The following DLG2 variants were observed in gnomAD, a reference collection of about 807,000 sequenced individuals.
DLG2 encodes the protein disks large homolog 2.
DLG2 carries 45 observed loss-of-function variants against 132.5 expected under a neutral mutation model. The observed-to-expected ratio is 0.34, with a 90% CI of 0.27 to 0.44. DLG2 has a LOEUF of 0.44. DLG2 is among the 20% of genes least tolerant of loss of function. The pLI is 1.00. For synonymous variants in DLG2, 424 were observed against 419.6 expected (o/e 1.01, Z -0.13); for missense variants, 1,045 against 1,196.9 (o/e 0.87, Z 1.87).
At chr11:85,074,409 C>T (rs1033732289) in intron 6 of DLG2, among the ~76,000 whole-genome samples, 1 of 151,776 alleles carries the variant, frequency 6.6e-6, no homozygotes, top group Admixed American at 6.6e-5. Context: ...AATGACCTGC[C>T]TTATATATAA....
chr11:83,984,923 G>T (rs1024979033), intron 11 of DLG2, among the ~76,000 whole-genome samples: 14 of 152,156 alleles, frequency 9.2e-5, no homozygotes, highest in African/African-American at 3.1e-4. Flanking sequence ...ACACTAGAAA[G>T]ATCTATTTCT....
intron 21 of DLG2, among the ~76,000 whole-genome samples, chr11:83,494,439 G>C (rs748661872): frequency 5.3e-5 from 8 of 151,200 alleles, no homozygotes; most frequent in Admixed American, 2.0e-4. Flanking sequence ...CCTCTGCCGG[G>C]CTCTTAGGTA....
intron 18 of DLG2, among the ~76,000 whole-genome samples, chr11:83,667,362 A>C (rs945022608): frequency 6.6e-6 from 1 of 152,184 alleles, no homozygotes; most frequent in Non-Finnish European, 1.5e-5. Flanking sequence ...GCATTCCTGG[A>C]GGGTGGTGAA....
rs1040642441 is a variant in DLG2 at position 84,040,169 on chromosome 11, T to C, written c.919+19146A>G. ...TGAAAATTTTCTCCCATTTTGTAGG[T>C]TGCCTGTTCACTCTGATGGTAGTTT... On this transcript the variant is annotated intron_variant, in intron 11 of 27. Transcript: ENST00000376104. Among the ~76,000 whole-genome samples the C allele has an allele frequency of 9.3e-5, 14 of 150,706 alleles. No homozygotes were observed. In the East Asian group the frequency reaches 1.8e-3, roughly 19 times the overall value.
intron 4 of DLG2, among the ~76,000 whole-genome samples, chr11:85,160,799 G>C (rs928031652): frequency 6.6e-6 from 1 of 152,044 alleles, no homozygotes; most frequent in African/African-American, 2.4e-5. Context: ...AAAAGACTAG[G>C]GCCTGGTTCA....
chr11:83,833,288 A>C (rs1369926168), intron 17 of DLG2, among the ~76,000 whole-genome samples: 1 of 152,110 alleles, frequency 6.6e-6, no homozygotes, highest in Non-Finnish European at 1.5e-5. Context: ...AAATACAAAA[A>C]TTAGTCGGAT....
At chr11:84,796,819 AT>A (rs905769943) in intron 6 of DLG2, among the ~76,000 whole-genome samples, 7 of 148,558 alleles carry the variant, frequency 4.7e-5, no homozygotes, top group African/African-American at 1.8e-4. Context: ...TGTTTTTATG[AT>A]TTTTTATTTT....
intron 6 of DLG2, among the ~76,000 whole-genome samples, chr11:84,615,081 T>C (rs112479935): frequency 0.014 from 2,171 of 152,254 alleles, 53 homozygotes; most frequent in African/African-American, 0.049. Context: ...CAATGGAATA[T>C]TACCCCCTTG....
chr11:83,830,115 C>T (rs1432143443), intron 17 of DLG2, among the ~76,000 whole-genome samples: 1 of 152,192 alleles, frequency 6.6e-6, no homozygotes, highest in East Asian at 1.9e-4. Context: ...GTTCCCTCTT[C>T]TTTCTCAACT....
chr11:84,028,114 A>C (rs1030622383), intron 11 of DLG2, among the ~76,000 whole-genome samples: 2 of 151,982 alleles, frequency 1.3e-5, no homozygotes, highest in African/African-American at 4.8e-5. Flanking sequence ...AAAATAGAAG[A>C]CCTCATTGTA....
chr11:83,795,134 C>T (rs529590027), intron 17 of DLG2, among the ~76,000 whole-genome samples: 44 of 152,156 alleles, frequency 2.9e-4, no homozygotes, highest in Admixed American at 9.8e-4. Context: ...CGGCCAGGCG[C>T]GGTGCTCACG....
chr11:84,386,904 CTTTATTGCCTTTAT>C (rs988461894), intron 7 of DLG2, among the ~76,000 whole-genome samples: 27 of 152,142 alleles, frequency 1.8e-4, no homozygotes, highest in Admixed American at 1.6e-3. Flanking sequence ...CGCTATTTGC[CTTTATTGCCTTTAT>C]TGTCATATTT....
intron 6 of DLG2, among the ~76,000 whole-genome samples, chr11:84,728,703 G>C (rs1180679327): frequency 6.6e-6 from 1 of 152,154 alleles, no homozygotes; most frequent in Non-Finnish European, 1.5e-5. Flanking sequence ...GAATTTGGCT[G>C]TGAATCTGTC....
chr11:85,086,146 TG>T (rs2067893834), intron 6 of DLG2, among the ~76,000 whole-genome samples: 2 of 152,274 alleles, frequency 1.3e-5, no homozygotes, highest in African/African-American at 2.4e-5. Flanking sequence ...ATAATTCTAA[TG>T]TTTTTTCCAT....
intron 4 of DLG2, among the ~76,000 whole-genome samples, chr11:85,249,932 A>C (rs947913852): frequency 6.6e-6 from 1 of 152,168 alleles, no homozygotes; most frequent in Non-Finnish European, 1.5e-5. Flanking sequence ...TTTGTTTAAA[A>C]GAAAATAAAA....
At chr11:84,410,816 G>A (rs986550835) in intron 7 of DLG2, among the ~76,000 whole-genome samples, 22 of 152,014 alleles carry the variant, frequency 1.4e-4, no homozygotes, top group African/African-American at 5.3e-4. Flanking sequence ...CTGATCTCAG[G>A]TGATCCACCT....
chr11:85,236,493 T>A (rs2075594546), intron 4 of DLG2, among the ~76,000 whole-genome samples: 1 of 151,972 alleles, frequency 6.6e-6, no homozygotes, highest in Non-Finnish European at 1.5e-5. Flanking sequence ...AGGATACCAG[T>A]CATATTGAAT....
chr11:83,462,867 A>T (rs1162588361), intron 26 of DLG2, among the ~76,000 whole-genome samples: 1 of 152,146 alleles, frequency 6.6e-6, no homozygotes, highest in Non-Finnish European at 1.5e-5. Context: ...GAAATGAAAA[A>T]TTCTTGAATT....
rs140267366 is a variant in DLG2, at chr11:85,422,468, T to C, written c.41-137103A>G. On this transcript the variant is annotated intron_variant, in intron 3 of 27. Transcript: ENST00000376104. The stretch of plus-strand genomic sequence containing the variant: ...AAATTTCTTTCTTCTACTTGTTCAA[T>C]TCTATTGTTGAGATTTTCCAGAGCA... 6.9e-3 allele frequency among the ~76,000 whole-genome samples: 1,050 copies of C among 152,192 alleles called. 7 individuals carry two copies. The highest frequency in any genetic ancestry group is 0.017 in the Middle Eastern group (5 of 294).
Sources: allele counts gnomAD v4.1 joint callset (sites outside exome capture counted in the v4.1 genomes callset), GRCh38; gene constraint gnomAD v4.1.1; transcripts MANE v1.5; gene names NCBI Gene and HGNC (gene_info 2026-07-23, HGNC 2026-07-21).